MCTP1: variants seen among roughly 807,000 people sequenced by gnomAD.
The protein encoded by MCTP1 is multiple C2 and transmembrane domain containing 1, also known as multiple C2 and transmembrane domain-containing protein 1.
A neutral mutation model predicts 120.6 loss-of-function variants in MCTP1; 69 were observed. The observed-to-expected ratio is 0.57, with a 90% CI of 0.47 to 0.70. The LOEUF (loss-of-function observed/expected upper bound fraction) is 0.70, where lower values mean the gene tolerates loss of function less well. Ranked by LOEUF, MCTP1 falls within the 30% of genes least tolerant of loss-of-function variation. The pLI, the probability that MCTP1 is intolerant of heterozygous loss-of-function variation, is 0.00. For missense variants in MCTP1, 1,203 were observed against 1,248.8 expected (o/e 0.96, Z 0.55); for synonymous variants, 529 against 493.1 (o/e 1.07, Z -0.96).
At chr5:95,059,359 G>A (rs1748299283) in intron 1 of MCTP1, among the ~76,000 whole-genome samples, 1 of 152,150 alleles carries the variant, frequency 6.6e-6, no homozygotes, top group Non-Finnish European at 1.5e-5. Flanking sequence ...GAGCTAAACT[G>A]TGGGTACTCA....
intron 1 of MCTP1, among the ~76,000 whole-genome samples, chr5:95,213,328 G>C (rs1752630248): frequency 6.6e-6 from 1 of 152,134 alleles, no homozygotes; most frequent in Non-Finnish European, 1.5e-5. Context: ...ACCTCTTCAA[G>C]GAGAACTACA....
intron 12 of MCTP1, among the ~76,000 whole-genome samples, chr5:94,877,169 T>A (rs1008289616): frequency 2.6e-5 from 4 of 152,110 alleles, no homozygotes; most frequent in Non-Finnish European, 5.9e-5. Flanking sequence ...TCTATCACAG[T>A]GCTTTTAAAA....
intron 19 of MCTP1, among the ~76,000 whole-genome samples, chr5:94,764,156 C>T (rs1315324588): frequency 2.0e-5 from 3 of 152,144 alleles, no homozygotes; most frequent in Non-Finnish European, 2.9e-5. Context: ...GACTCTTAAA[C>T]CTTTTGCTTG....
chr5:94,777,673 TG>T (rs1439105394), intron 19 of MCTP1, among the ~76,000 whole-genome samples: 1 of 152,134 alleles, frequency 6.6e-6, no homozygotes, highest in African/African-American at 2.4e-5. Flanking sequence ...GCTGGCATAT[TG>T]AGTTAAAATA....
chr5:95,262,182 T>C (rs1758524082), intron 1 of MCTP1, among the ~76,000 whole-genome samples: 1 of 152,218 alleles, frequency 6.6e-6, no homozygotes, highest in South Asian at 2.1e-4. Flanking sequence ...CTTTGCCTGT[T>C]CATTTACCTT....
At chr5:94,835,101 G>A (rs567335458) in intron 17 of MCTP1, among the ~76,000 whole-genome samples, 2 of 152,290 alleles carry the variant, frequency 1.3e-5, no homozygotes, top group East Asian at 3.9e-4. Flanking sequence ...ACACGCATGA[G>A]CCACCATGCC....
At chr5:94,977,795 T>A (rs1228574275) in intron 2 of MCTP1, among the ~76,000 whole-genome samples, 2 of 152,166 alleles carry the variant, frequency 1.3e-5, no homozygotes, top group Non-Finnish European at 2.9e-5. Flanking sequence ...TTACCCCATA[T>A]ACATAAATCA....
At chr5:94,916,754 T>C (rs1436115011) in intron 8 of MCTP1, among the ~76,000 whole-genome samples, 1 of 152,202 alleles carries the variant, frequency 6.6e-6, no homozygotes, top group African/African-American at 2.4e-5. Flanking sequence ...CTGGGAACTT[T>C]TTAGAAACTC....
At chr5:94,789,069 A>C (rs1458561559) in intron 18 of MCTP1, 1 of 152,242 alleles carries the variant, frequency 6.6e-6, no homozygotes, top group East Asian at 1.9e-4. Context: ...CACTAATTTC[A>C]GATTTCCTTC....
At chr5:94,798,936 C>G in intron 18 of MCTP1, 77 bp downstream of exon 18, 1 of 1,490,702 alleles carries the variant, frequency 6.7e-7, no homozygotes, top group South Asian at 1.3e-5. Flanking sequence ...TTTGTAAAGC[C>G]AAATTCAATG....
Position 95,227,540 on chromosome 5 carries a change from A to C in MCTP1, c.720+56316T>G, listed in dbSNP as rs185673643. ...GAGATCAGATTTCCATCTGAGACAG[A>C]CTTGGTATTAGCTAAAAGGCAACTT... On this transcript the variant is annotated intron_variant, in intron 1 of 22. Transcript: ENST00000515393. Among the ~76,000 whole-genome samples the C allele has an allele frequency of 8.5e-5, 13 of 152,346 alleles. No individual in the cohort carries two copies. The East Asian group carries it at 2.3e-3, about 27-fold the overall frequency.
At chr5:94,761,459 CAAA>C (rs1771321883) in intron 19 of MCTP1, among the ~76,000 whole-genome samples, 3 of 152,086 alleles carry the variant, frequency 2.0e-5, no homozygotes, top group Non-Finnish European at 4.4e-5. Context: ...TCTTGTAAAT[CAAA>C]AACAAAAATA....
chr5:95,098,097 A>G (rs1047483084), intron 1 of MCTP1, among the ~76,000 whole-genome samples: 1 of 152,164 alleles, frequency 6.6e-6, no homozygotes, highest in African/African-American at 2.4e-5. Flanking sequence ...TTCATAGATC[A>G]ACGGTAAGTT....
At chr5:95,249,793 G>A (rs1757199933) in intron 1 of MCTP1, among the ~76,000 whole-genome samples, 1 of 152,198 alleles carries the variant, frequency 6.6e-6, no homozygotes, top group South Asian at 2.1e-4. Context: ...TTAAGAAAAT[G>A]TGGCACATAT....
At chr5:95,121,505 C>CA (rs1466870238) in intron 1 of MCTP1, among the ~76,000 whole-genome samples, 2 of 151,374 alleles carry the variant, frequency 1.3e-5, no homozygotes, top group Non-Finnish European at 2.9e-5. Context: ...AAAGAAGACA[C>CA]AAAAAAGAGA....
At chr5:95,145,800 G>T (rs1442965766) in intron 1 of MCTP1, among the ~76,000 whole-genome samples, 1 of 152,072 alleles carries the variant, frequency 6.6e-6, no homozygotes, top group Non-Finnish European at 1.5e-5. Context: ...CTAGTATTTT[G>T]TTGGGAATTT....
intron 20 of MCTP1, among the ~76,000 whole-genome samples, chr5:94,711,542 A>C (rs531544149): frequency 2.6e-4 from 40 of 152,278 alleles, no homozygotes; most frequent in Non-Finnish European, 5.3e-4. Context: ...CCAGAAGTAC[A>C]TAGATAATTA....
chr5:94,822,561 T>C (rs1785924717), intron 17 of MCTP1, among the ~76,000 whole-genome samples: 1 of 152,212 alleles, frequency 6.6e-6, no homozygotes, highest in Non-Finnish European at 1.5e-5. Context: ...TTATAATCCT[T>C]AGGGTATATA....
intron 1 of MCTP1, among the ~76,000 whole-genome samples, chr5:95,249,609 A>C (rs1757177096): frequency 6.6e-6 from 1 of 152,188 alleles, no homozygotes; most frequent in African/African-American, 2.4e-5. Flanking sequence ...CAATTCCTCA[A>C]GGATCTAGAA....
Sources: allele counts gnomAD v4.1 joint callset (sites outside exome capture counted in the v4.1 genomes callset), GRCh38; gene constraint gnomAD v4.1.1; transcripts MANE v1.5; gene names NCBI Gene and HGNC (gene_info 2026-07-23, HGNC 2026-07-21).